The following TRPM3 variants were observed in gnomAD, a reference collection of about 807,000 sequenced individuals.
TRPM3 encodes transient receptor potential cation channel subfamily M member 3, also known as long transient receptor potential channel 3.
In TRPM3, 77 loss-of-function variants were observed where a neutral mutation model predicts 181.2. The ratio of observed to expected loss-of-function variants is 0.42; its 90% CI spans 0.35 to 0.51. The LOEUF is 0.51. Ranked by LOEUF, TRPM3 falls within the 20% of genes least tolerant of loss-of-function variation. The pLI, the probability that TRPM3 is intolerant of heterozygous loss-of-function variation, is 0.01. For missense variants in TRPM3, 1,759 were observed against 2,196.7 expected (o/e 0.80, Z 3.98); for synonymous variants, 745 against 796.4 (o/e 0.94, Z 1.09).
intron 22 of TRPM3, among the ~76,000 whole-genome samples, chr9:70,558,183 C>T (rs754026587): frequency 2.0e-5 from 3 of 152,232 alleles, no homozygotes; most frequent in African/African-American, 4.8e-5. Context: ...GTAGAGAAGG[C>T]CTGCCCAAGA....
At chr9:70,601,284 G>C (rs145277392) in intron 20 of TRPM3, among the ~76,000 whole-genome samples, 16 of 152,280 alleles carry the variant, frequency 1.1e-4, no homozygotes, top group African/African-American at 3.6e-4. Flanking sequence ...ATGCTATTAA[G>C]GGATTACCGG....
At chr9:70,569,760 T>C (rs1204168694) in intron 22 of TRPM3, among the ~76,000 whole-genome samples, 2 of 152,226 alleles carry the variant, frequency 1.3e-5, no homozygotes, top group South Asian at 4.1e-4. Flanking sequence ...CTAATAACAA[T>C]GGCAGGTTTA....
chr9:71,365,018 G>A (rs976046100), intron 1 of TRPM3, among the ~76,000 whole-genome samples: 11 of 152,190 alleles, frequency 7.2e-5, no homozygotes, highest in South Asian at 2.1e-4. Context: ...AGAAAGACCC[G>A]ATGTTAGTCA....
chr9:71,071,659 A>G (rs1285804569), intron 1 of TRPM3, among the ~76,000 whole-genome samples: 1 of 152,200 alleles, frequency 6.6e-6, no homozygotes, highest in African/African-American at 2.4e-5. Context: ...CTGACTTGGT[A>G]GTAGAGTGAT....
intron 1 of TRPM3, among the ~76,000 whole-genome samples, chr9:71,029,209 A>C (rs2056975199): frequency 6.6e-6 from 1 of 152,228 alleles, no homozygotes; most frequent in African/African-American, 2.4e-5. Context: ...CTAAGAAATT[A>C]GTGTATTTTT....
At chr9:70,924,424 CTTAT>C (rs1360378361) in intron 1 of TRPM3, among the ~76,000 whole-genome samples, 8 of 152,118 alleles carry the variant, frequency 5.3e-5, no homozygotes, top group South Asian at 2.1e-4. Flanking sequence ...TATCATGTGA[CTTAT>C]TTAATACTCC....
At chr9:71,330,740 A>C (rs1403522137) in intron 1 of TRPM3, among the ~76,000 whole-genome samples, 1 of 151,864 alleles carries the variant, frequency 6.6e-6, no homozygotes, top group African/African-American at 2.4e-5. Context: ...GAATCTGAGT[A>C]CAAGGCAGCA....
chr9:70,855,210 C>G (rs2095355485), intron 3 of TRPM3, among the ~76,000 whole-genome samples: 1 of 152,206 alleles, frequency 6.6e-6, no homozygotes, highest in Non-Finnish European at 1.5e-5. Flanking sequence ...ACAAACAAGA[C>G]AGTCCTTTCC....
At chr9:70,753,601 G>C (rs976220150) in intron 8 of TRPM3, among the ~76,000 whole-genome samples, 26 of 152,138 alleles carry the variant, frequency 1.7e-4, no homozygotes, top group Non-Finnish European at 8.8e-5. Flanking sequence ...TCTCAACAAG[G>C]CACAAGGTAA....
At chr9:71,340,089 T>A (rs1474913795) in intron 1 of TRPM3, among the ~76,000 whole-genome samples, 1 of 152,152 alleles carries the variant, frequency 6.6e-6, no homozygotes. Context: ...GTTGATGCAT[T>A]TGTTTTTCCT....
At chr9:70,672,755 C>T (rs1008599009) in intron 9 of TRPM3, among the ~76,000 whole-genome samples, 6 of 151,854 alleles carry the variant, frequency 4.0e-5, no homozygotes, top group East Asian at 3.9e-4. Context: ...GGGTGGTACT[C>T]GTGTCTGAAT....
At chr9:71,142,085 C>T (rs2075137022) in intron 1 of TRPM3, among the ~76,000 whole-genome samples, 1 of 152,252 alleles carries the variant, frequency 6.6e-6, no homozygotes, top group South Asian at 2.1e-4. Flanking sequence ...TGTATAAAAA[C>T]TTTGAAATGT....
intron 18 of TRPM3, among the ~76,000 whole-genome samples, chr9:70,613,553 C>T (rs1026162200): frequency 1.3e-5 from 2 of 152,178 alleles, no homozygotes; most frequent in Non-Finnish European, 2.9e-5. Context: ...GTCCACTGAC[C>T]AGTGCCTGAG....
chr9:70,566,342 C>A (rs1262328515), intron 22 of TRPM3, among the ~76,000 whole-genome samples: 2 of 151,950 alleles, frequency 1.3e-5, no homozygotes. Flanking sequence ...AAGCACCAGG[C>A]ACTGCTTAGA....
chr9:71,171,030 GC>G (rs35617222), intron 1 of TRPM3, among the ~76,000 whole-genome samples: 9 of 123,480 alleles, frequency 7.3e-5, no homozygotes, highest in African/African-American at 2.0e-4. Flanking sequence ...CTTATAAACA[GC>G]CCCCCCCAGG....
At chr9:70,592,539 T>C (rs1331317071) in intron 21 of TRPM3, among the ~76,000 whole-genome samples, 1 of 152,132 alleles carries the variant, frequency 6.6e-6, no homozygotes, top group Admixed American at 6.5e-5. Flanking sequence ...CCTTCATAAG[T>C]CAATATATCC....
At chr9:70,927,165 T>G (rs756652734) in intron 1 of TRPM3, among the ~76,000 whole-genome samples, 3 of 152,216 alleles carry the variant, frequency 2.0e-5, no homozygotes, top group Non-Finnish European at 2.9e-5. Context: ...TCTGAGTTTA[T>G]TGTACTCTAG....
At position 71,357,512 on chromosome 9, in the gene TRPM3, G is replaced by A. The variant is rs537779830; in HGVS notation, c.183+89141C>T. ...ACAAAGATAGCAGTACTGTCCCCTCGCTTTGGCAGGAATTTGCATCTATCA... is the reference window on the plus strand; with the variant it reads ...ACAAAGATAGCAGTACTGTCCCCTCACTTTGGCAGGAATTTGCATCTATCA... On this transcript the variant is annotated intron_variant, in intron 1 of 24. Coordinates refer to the TRPM3 transcript ENST00000357533. Among the ~76,000 whole-genome samples the A allele has an allele frequency of 3.3e-5, 5 of 152,112 alleles. No homozygotes were observed. The East Asian group carries it at 5.8e-4, about 18-fold the overall frequency.
rs959663293 is a variant in TRPM3 at position 70,530,998 on chromosome 9, A to G, written c.*4955T>C. 6.6e-6 allele frequency: 1 copy of G among 152,218 alleles called. No individual in the cohort carries two copies. The highest frequency in any genetic ancestry group is 2.4e-5 in the African/African-American group (1 of 41,460). The allele number at this position is 152,218 out of a possible 1,614,324, so 9.4% of individuals were successfully genotyped here. On this transcript the variant is annotated 3_prime_UTR_variant, in exon 26 of 26. Transcript: ENST00000677713. The stretch of plus-strand genomic sequence containing the variant: ...CCCAAACACACGCCTCCCACCCCCA[A>G]GGTGAAGAAGCCACAAGACAAGGAG...
Sources: allele counts gnomAD v4.1 joint callset (sites outside exome capture counted in the v4.1 genomes callset), GRCh38; gene constraint gnomAD v4.1.1; transcripts MANE v1.5; gene names NCBI Gene and HGNC (gene_info 2026-07-23, HGNC 2026-07-21).